AHI1: variants seen among roughly 807,000 people sequenced by gnomAD.
AHI1 encodes the protein Abelson helper integration site 1, also known as jouberin.
Under a neutral mutation model 149.3 loss-of-function variants are expected in AHI1, and 123 were observed. That is an observed-to-expected ratio of 0.82 (90% CI 0.71 to 0.96). AHI1 has a LOEUF of 0.96. Among genes scored for constraint, AHI1 ranks in the 40% least tolerant of loss-of-function variants. The pLI is 0.00. For synonymous variants in AHI1, 475 were observed against 459.8 expected (o/e 1.03, Z -0.42); for missense variants, 1,439 against 1,422.7 (o/e 1.01, Z -0.18).
chr6:135,371,533 C>A (rs2614286), intron 23 of AHI1, among the ~76,000 whole-genome samples: 77,456 of 151,970 alleles, frequency 0.51, 20,347 homozygotes, highest in Middle Eastern at 0.64. Context: ...CTTTGACCTG[C>A]AGAGTCTTAT....
rs1025347616 is a variant in AHI1, at chr6:135,465,938, T to C, written c.625A>G (p.Arg209Gly). Residue 209 changes from arginine (R) to glycine (G), a missense_variant, in exon 7 of 29, where the codon AGA (arginine) becomes GGA (glycine). Arg to Gly is a moderately radical substitution (Grantham distance 125). Coordinates refer to ENST00000265602, the MANE Select transcript of AHI1 (RefSeq NM_001134831.2). The part of the protein sequence containing the change: ...EMAKEIKRKI[R>G]KKLKEQLTYF... ...GTCAACTGTTCTTTCAGTTTCTTTC[T>C]TATTTTCCTCTTAATCTCCTTTGCC... 1 of 1,608,602 alleles carries C rather than the reference T, an allele frequency of 6.2e-7. No individual in the cohort carries two copies. The highest frequency in any genetic ancestry group is 8.5e-7 in the Non-Finnish European group (1 of 1,178,084).
intron 24 of AHI1, among the ~76,000 whole-genome samples, chr6:135,355,195 T>C (rs1792762258): frequency 6.6e-6 from 1 of 152,032 alleles, no homozygotes. Context: ...ATAAACAAAA[T>C]GAAGAGCTCA....
chr6:135,476,940 AT>A (rs1792751384), intron 5 of AHI1, among the ~76,000 whole-genome samples: 1 of 152,078 alleles, frequency 6.6e-6, no homozygotes, highest in African/African-American at 2.4e-5. Context: ...TATTTGGACC[AT>A]CCACATTTAA....
At chr6:135,440,384 A>C (rs1261045579) in intron 14 of AHI1, among the ~76,000 whole-genome samples, 3 of 152,132 alleles carry the variant, frequency 2.0e-5, no homozygotes, top group African/African-American at 7.2e-5. Flanking sequence ...AAAACAAAAA[A>C]CAAAATGAAA....
At chr6:135,490,934 C>G (rs1001203729) in intron 4 of AHI1, among the ~76,000 whole-genome samples, 187 bp from the exon 5 acceptor site, 1 of 152,126 alleles carries the variant, frequency 6.6e-6, no homozygotes, top group Admixed American at 6.5e-5. Context: ...CAACATTCAC[C>G]TGTATCCCTC....
At chr6:135,357,163 T>G (rs1793114186) in intron 24 of AHI1, among the ~76,000 whole-genome samples, 1 of 152,208 alleles carries the variant, frequency 6.6e-6, no homozygotes, top group African/African-American at 2.4e-5. Flanking sequence ...GGTCTCAATC[T>G]CCTGACCTTG....
chr6:135,419,185 A>T (rs952419748), intron 20 of AHI1, among the ~76,000 whole-genome samples: 1 of 152,110 alleles, frequency 6.6e-6, no homozygotes, highest in African/African-American at 2.4e-5. Context: ...AGCAGATTCA[A>T]GTCTCACAGT....
At chr6:135,301,848 A>T in intron 26 of AHI1, 1 of 985,482 alleles carries the variant, frequency 1.0e-6, no homozygotes, top group South Asian at 4.7e-5. Flanking sequence ...ACTAATTCAG[A>T]CTGCCCTCAT....
At chr6:135,312,663 G>A (rs1003596017) in intron 26 of AHI1, among the ~76,000 whole-genome samples, 7 of 152,234 alleles carry the variant, frequency 4.6e-5, no homozygotes, top group African/African-American at 1.7e-4. Flanking sequence ...GTATGTGTGT[G>A]TTGCTAACTA....
intron 3 of AHI1, among the ~76,000 whole-genome samples, chr6:135,493,844 T>A (rs1296997341): frequency 6.6e-6 from 1 of 152,036 alleles, no homozygotes; most frequent in Non-Finnish European, 1.5e-5. Context: ...GGAGTTTGTG[T>A]CCTGTCTGGC....
At chr6:135,305,319 A>T (rs1326944393) in intron 26 of AHI1, among the ~76,000 whole-genome samples, 1 of 152,238 alleles carries the variant, frequency 6.6e-6, no homozygotes, top group African/African-American at 2.4e-5. Context: ...GTTAGTTTTC[A>T]GCAAAGCAAG....
chr6:135,436,924 G>A (rs768427049), intron 15 of AHI1, among the ~76,000 whole-genome samples: 2 of 152,176 alleles, frequency 1.3e-5, no homozygotes, highest in African/African-American at 2.4e-5. Flanking sequence ...TTTCTAAGAT[G>A]AGAGGACACA....
At chr6:135,454,954 C>G (rs978024980) in intron 10 of AHI1, among the ~76,000 whole-genome samples, 4 of 152,116 alleles carry the variant, frequency 2.6e-5, no homozygotes, top group African/African-American at 9.7e-5. Context: ...AATGAATCTT[C>G]GGCACTGGTT....
chr6:135,446,952 G>A, intron 13 of AHI1, 56 bp downstream of exon 13: 1 of 1,520,790 alleles, frequency 6.6e-7, no homozygotes, highest in Non-Finnish European at 8.9e-7. Context: ...AGTTATTGGA[G>A]TTTTTAAGGT....
chr6:135,383,303 C>T (rs974234287), intron 23 of AHI1, among the ~76,000 whole-genome samples: 1 of 124,058 alleles, frequency 8.1e-6, no homozygotes, highest in African/African-American at 3.1e-5. Flanking sequence ...AATCATGGTT[C>T]ACTGCAGCCT....
chr6:135,448,385 C>G lies in AHI1; in HGVS notation c.1531G>C (p.Val511Leu). The change falls in exon 12 of 29, where the codon GTT (valine) becomes CTT (leucine). Residue 511 changes from valine to leucine, a missense_variant. Val to Leu is a conservative substitution (Grantham distance 32, BLOSUM62 1). Transcript: ENST00000265602. The stretch of plus-strand genomic sequence containing the variant: ...GACCACCATTCAAATGCCTCAACAA[C>G]ACTTAATGGGGATCGAGGCTTAGTA... ...PPTKPRSPLS[V>L]VEAFEWWSKC... The G allele has an allele frequency of 6.2e-7, 1 of 1,609,406 alleles. No individual in the cohort carries two copies. Among genetic ancestry groups the G allele is most frequent in the Non-Finnish European group, 8.5e-7 (1 of 1,176,928 alleles).
At chr6:135,339,207 T>C (rs547880440) in intron 24 of AHI1, among the ~76,000 whole-genome samples, 7 of 152,326 alleles carry the variant, frequency 4.6e-5, no homozygotes, top group Non-Finnish European at 1.0e-4. Flanking sequence ...TAGGTGGTGA[T>C]ATGAGTTAGG....
At chr6:135,459,999 C>T (rs988645624) in intron 8 of AHI1, among the ~76,000 whole-genome samples, 3 of 151,944 alleles carry the variant, frequency 2.0e-5, no homozygotes, top group Non-Finnish European at 4.4e-5. Flanking sequence ...TGAGACTAGC[C>T]TGGAAAATGT....
At chr6:135,450,821 A>G (rs2181112) in intron 11 of AHI1, among the ~76,000 whole-genome samples, 115,940 of 152,066 alleles carry the variant, frequency 0.76, 48,643 homozygotes, top group Non-Finnish European at 0.91. Flanking sequence ...TTTTAGTTTA[A>G]AAGAATAGCC....
Sources: gnomAD v4.1 joint callset for allele counts (sites outside exome capture counted in the v4.1 genomes callset) on GRCh38, gnomAD v4.1.1 for gene constraint, MANE v1.5 for transcripts, NCBI Gene and HGNC (gene_info 2026-07-23, HGNC 2026-07-21) for gene names.